The following LAMA2 variants were observed in gnomAD, a reference collection of about 807,000 sequenced individuals.
The protein encoded by LAMA2 is laminin subunit alpha 2.
LAMA2 carries 269 observed loss-of-function variants against 364.8 expected under a neutral mutation model. That is an observed-to-expected ratio of 0.74 (90% CI 0.67 to 0.82). The LOEUF is 0.82. Among genes scored for constraint, LAMA2 ranks in the 40% least tolerant of loss-of-function variants. The pLI, the probability that LAMA2 is intolerant of heterozygous loss-of-function variation, is 0.00. For synonymous variants in LAMA2, 1,379 were observed against 1,370.6 expected (o/e 1.01, Z -0.14); for missense variants, 3,807 against 3,873.2 (o/e 0.98, Z 0.45).
At chr6:128,991,856 C>A (rs140532676) in intron 1 of LAMA2, among the ~76,000 whole-genome samples, 104 of 152,258 alleles carry the variant, frequency 6.8e-4, no homozygotes, top group African/African-American at 2.5e-3. Context: ...CAAGTGATCT[C>A]ATTTGAGTAT....
chr6:129,103,233 G>A (rs1286022760), intron 4 of LAMA2, among the ~76,000 whole-genome samples: 2 of 152,206 alleles, frequency 1.3e-5, no homozygotes, highest in East Asian at 1.9e-4. Flanking sequence ...GTCATTGAGA[G>A]TGTTGACTCT....
intron 50 of LAMA2, 128 bp from the exon 51 acceptor site, chr6:129,465,017 T>C: frequency 1.3e-6 from 1 of 782,476 alleles, no homozygotes; most frequent in Non-Finnish European, 2.2e-6. Context: ...TCAAAATGGA[T>C]TTCTGCAACA....
At chr6:129,028,878 T>C (rs145604903) in intron 1 of LAMA2, among the ~76,000 whole-genome samples, 33 of 152,004 alleles carry the variant, frequency 2.2e-4, no homozygotes, top group African/African-American at 7.9e-4. Context: ...CAGTAACTTC[T>C]AGTCATAAGC....
At chr6:129,409,073 A>G (rs1197276740) in intron 40 of LAMA2, among the ~76,000 whole-genome samples, 2 of 152,190 alleles carry the variant, frequency 1.3e-5, no homozygotes, top group African/African-American at 2.4e-5. Flanking sequence ...CAGCACATTA[A>G]TTAGTATATA....
intron 1 of LAMA2, among the ~76,000 whole-genome samples, chr6:128,962,183 T>C (rs868066825): frequency 0.025 from 2,886 of 113,908 alleles, 352 homozygotes; most frequent in African/African-American, 0.11. Context: ...TATATATATA[T>C]ATACACACAT....
intron 12 of LAMA2, among the ~76,000 whole-genome samples, chr6:129,203,758 T>C (rs542277104): frequency 6.6e-6 from 1 of 152,220 alleles, no homozygotes; most frequent in Admixed American, 6.5e-5. Flanking sequence ...TTGGTCTTTA[T>C]GCGTTTCACA....
In LAMA2 at chr6:129,252,065, C is replaced by A. The variant is rs372219177; in HGVS notation, c.1885-19C>A. On this transcript the variant is annotated intron_variant, in intron 13 of 64. Coordinates refer to ENST00000421865, the MANE Select transcript of LAMA2 (RefSeq NM_000426.4). ...TTTTCAGTTTTACTCTTTTTTATTT[C>A]TTTTTTTTCCCCCTTTAGGGTAATG... 4.9e-4 allele frequency: 770 copies of A among 1,567,822 alleles called. 1 individual carries two copies. Among genetic ancestry groups the A allele is most frequent in the Non-Finnish European group, 6.2e-4 (712 of 1,140,116 alleles).
intron 37 of LAMA2, among the ~76,000 whole-genome samples, chr6:129,393,876 G>C (rs17057220): frequency 0.013 from 1,980 of 152,208 alleles, 35 homozygotes; most frequent in African/African-American, 0.045. Context: ...TGTGTTCTAT[G>C]CAAATGATCT....
chr6:129,212,539 C>T (rs963562917), intron 12 of LAMA2, among the ~76,000 whole-genome samples: 11 of 152,112 alleles, frequency 7.2e-5, no homozygotes, highest in Non-Finnish European at 1.3e-4. Flanking sequence ...TATACAGCTT[C>T]TCCAGAGACC....
chr6:129,370,828 T>G (rs956607656), intron 34 of LAMA2, among the ~76,000 whole-genome samples: 1 of 152,214 alleles, frequency 6.6e-6, no homozygotes, highest in Non-Finnish European at 1.5e-5. Flanking sequence ...GGACCCAGTC[T>G]CAAGATTCCC....
chr6:128,938,182 C>T (rs1054443925), intron 1 of LAMA2, among the ~76,000 whole-genome samples: 3 of 152,060 alleles, frequency 2.0e-5, no homozygotes, highest in African/African-American at 7.2e-5. Flanking sequence ...TTTAAACTCT[C>T]AGTGCCTCAG....
intron 35 of LAMA2, among the ~76,000 whole-genome samples, chr6:129,384,731 G>GT (rs1275794914): frequency 1.3e-5 from 2 of 151,962 alleles, no homozygotes; most frequent in Non-Finnish European, 2.9e-5. Context: ...CAAATCCCAC[G>GT]TCTATACACC....
chr6:128,913,106 C>A (rs1181946326), intron 1 of LAMA2, among the ~76,000 whole-genome samples: 1 of 152,120 alleles, frequency 6.6e-6, no homozygotes, highest in Non-Finnish European at 1.5e-5. Context: ...AAAAACCAAT[C>A]CACTCTGAGA....
intron 36 of LAMA2, 71 bp from the exon 37 acceptor site, chr6:129,392,974 G>T: frequency 4.2e-6 from 5 of 1,204,156 alleles, no homozygotes; most frequent in East Asian, 2.3e-5. Context: ...TTGTAACATG[G>T]TTTAATACCA....
intron 62 of LAMA2, among the ~76,000 whole-genome samples, chr6:129,511,093 A>T (rs879683286): frequency 2.6e-5 from 4 of 152,084 alleles, no homozygotes; most frequent in Admixed American, 2.6e-4. Context: ...AAAATTACTC[A>T]CTTCCTCTGT....
chr6:129,055,422 G>A (rs886769058), intron 2 of LAMA2, among the ~76,000 whole-genome samples: 1 of 151,878 alleles, frequency 6.6e-6, no homozygotes, highest in Admixed American at 6.6e-5. Context: ...TTGAACTCTC[G>A]ACTTCACATG....
intron 56 of LAMA2, among the ~76,000 whole-genome samples, chr6:129,488,208 GC>G (rs1321334128): frequency 6.6e-6 from 1 of 152,126 alleles, no homozygotes; most frequent in Non-Finnish European, 1.5e-5. Flanking sequence ...TACTCTGGAG[GC>G]TGAGGCAGGA....
chr6:129,162,618 C>A (rs554353414), intron 8 of LAMA2, among the ~76,000 whole-genome samples: 1 of 151,968 alleles, frequency 6.6e-6, no homozygotes, highest in African/African-American at 2.4e-5. Context: ...GATGTGGCAC[C>A]ATTATTTTCT....
intron 12 of LAMA2, among the ~76,000 whole-genome samples, chr6:129,237,614 G>A (rs759769402): frequency 6.6e-6 from 1 of 152,082 alleles, no homozygotes. Context: ...GATTGCAAGC[G>A]TGTTTCAGTG....
Sources: gnomAD v4.1 joint callset for allele counts (sites outside exome capture counted in the v4.1 genomes callset) on GRCh38, gnomAD v4.1.1 for gene constraint, MANE v1.5 for transcripts, NCBI Gene and HGNC (gene_info 2026-07-23, HGNC 2026-07-21) for gene names.